Variants in LAMA3 observed in about 807,000 individuals in gnomAD.
LAMA3 encodes laminin subunit alpha 3, also known as laminin subunit alpha-3.
LAMA3 carries 281 observed loss-of-function variants against 402.0 expected under a neutral mutation model. That is an observed-to-expected ratio of 0.70 (90% CI 0.63 to 0.77). LAMA3 has a LOEUF of 0.77. Among genes scored for constraint, LAMA3 ranks in the 30% least tolerant of loss-of-function variants. The pLI is 0.00. For missense variants in LAMA3, 3,840 were observed against 4,215.5 expected, an observed-to-expected ratio of 0.91 and a Z score of 2.47; for synonymous variants, 1,431 against 1,558.4, an observed-to-expected ratio of 0.92 and a Z score of 1.93.
chr18:23,844,617 T>C (rs1490020106), intron 29 of LAMA3, among the ~76,000 whole-genome samples: 1 of 152,224 alleles, frequency 6.6e-6, no homozygotes, highest in Non-Finnish European at 1.5e-5. Flanking sequence ...TTCCTGTGAT[T>C]GTTTTTCATA....
At chr18:23,887,958 A>G (rs1432183020) in intron 41 of LAMA3, among the ~76,000 whole-genome samples, 1 of 152,252 alleles carries the variant, frequency 6.6e-6, no homozygotes, top group African/African-American at 2.4e-5. Context: ...ACCAGTAAGT[A>G]ATGCTTTGCA....
At chr18:23,853,720 C>T (rs191908091) in intron 32 of LAMA3, among the ~76,000 whole-genome samples, 21 of 152,344 alleles carry the variant, frequency 1.4e-4, no homozygotes, top group African/African-American at 3.8e-4. Flanking sequence ...TGACCTGCCT[C>T]CCCAGAATTG....
At chr18:23,703,238 G>A (rs1217291961) in intron 1 of LAMA3, among the ~76,000 whole-genome samples, 1 of 152,166 alleles carries the variant, frequency 6.6e-6, no homozygotes, top group African/African-American at 2.4e-5. Flanking sequence ...CACTCCAGTG[G>A]TTCCAATGGT....
At chr18:23,842,365 A>AT (rs565708185) in intron 27 of LAMA3, 30 bp from the exon 28 acceptor site, 46 of 1,613,164 alleles carry the variant, frequency 2.9e-5, no homozygotes, top group Non-Finnish European at 3.9e-5. Flanking sequence ...AGGGTTTTTA[A>AT]TTTTTTTTCC....
chr18:23,954,425 A>T, intron 74 of LAMA3, 78 bp from the exon 75 acceptor site: 4 of 1,147,172 alleles, frequency 3.5e-6, no homozygotes, highest in Non-Finnish European at 3.8e-6. Flanking sequence ...AAAAAAAAAT[A>T]CTATCTTTTA....
intron 32 of LAMA3, among the ~76,000 whole-genome samples, chr18:23,850,617 T>G (rs1343180488): frequency 2.0e-5 from 3 of 152,248 alleles, no homozygotes; most frequent in Non-Finnish European, 4.4e-5. Context: ...GGTCTATTAT[T>G]CTGGCCAATT....
chr18:23,827,223 ATGAC>A (rs1472538027), intron 22 of LAMA3, 87 bp from the exon 23 acceptor site: 6 of 1,309,318 alleles, frequency 4.6e-6, no homozygotes, highest in East Asian at 2.3e-5. Context: ...AGTGAACTGA[ATGAC>A]TGAGAGTCTT....
Position 23,815,280 on chromosome 18 carries a change from C to A in LAMA3, c.1941+40C>A, listed in dbSNP as rs762840483. ...GTTTTCATGTGACAACAGCAGAATG[C>A]TACAGCAACTGCTTGTGGGGTTTCT... On this transcript the variant is annotated intron_variant, in intron 16 of 74. Transcript: ENST00000313654. 2.5e-6 allele frequency: 4 copies of A among 1,570,568 alleles called. No homozygotes were observed. In the South Asian group the frequency reaches 4.5e-5, roughly 17 times the overall value.
chr18:23,709,592 G>A (rs903238872), intron 1 of LAMA3, among the ~76,000 whole-genome samples: 1 of 151,928 alleles, frequency 6.6e-6, no homozygotes, highest in Non-Finnish European at 1.5e-5. Flanking sequence ...CTTTTATTTT[G>A]TGTATGACCA....
At chr18:23,816,071 C>T (rs970849934) in intron 17 of LAMA3, among the ~76,000 whole-genome samples, 1 of 152,204 alleles carries the variant, frequency 6.6e-6, no homozygotes, top group African/African-American at 2.4e-5. Context: ...CATTGGACAA[C>T]AGCATTTGAG....
chr18:23,756,450 C>T (rs1598729119), intron 6 of LAMA3, among the ~76,000 whole-genome samples: 2 of 150,614 alleles, frequency 1.3e-5, no homozygotes, highest in East Asian at 3.9e-4. Flanking sequence ...CTTCCCCCGC[C>T]CCCACCCCCC....
chr18:23,895,164 T>C, intron 44 of LAMA3, 106 bp downstream of exon 44: 2 of 1,283,444 alleles, frequency 1.6e-6, no homozygotes, highest in East Asian at 2.5e-5. Context: ...GGCTCAGGGG[T>C]TGTCCTCCTT....
At chr18:23,784,212 C>G (rs1268274803) in intron 12 of LAMA3, 55 bp downstream of exon 12, 1 of 1,606,254 alleles carries the variant, frequency 6.2e-7, no homozygotes, top group East Asian at 2.2e-5. Flanking sequence ...TAAATTTCCT[C>G]CTGAGGAAAT....
At chr18:23,889,627 A>G (rs2080573449) in intron 41 of LAMA3, among the ~76,000 whole-genome samples, 1 of 141,468 alleles carries the variant, frequency 7.1e-6, no homozygotes, top group Non-Finnish European at 1.5e-5. Context: ...GGAAAGGAAA[A>G]AAGAAAAGAA....
chr18:23,900,626 G>A (rs1444395544), intron 47 of LAMA3, among the ~76,000 whole-genome samples: 2 of 152,160 alleles, frequency 1.3e-5, no homozygotes, highest in East Asian at 1.9e-4. Context: ...AGAAATATTA[G>A]TTTAGTGCAT....
chr18:23,925,122 AG>A (rs1482322325), intron 62 of LAMA3, among the ~76,000 whole-genome samples: 3 of 152,366 alleles, frequency 2.0e-5, no homozygotes, highest in Admixed American at 6.5e-5. Flanking sequence ...CAACGCTTCC[AG>A]AGCAGGGAGG....
intron 23 of LAMA3, among the ~76,000 whole-genome samples, chr18:23,833,131 C>T (rs1392797331): frequency 1.3e-5 from 2 of 152,134 alleles, no homozygotes; most frequent in East Asian, 3.9e-4. Context: ...CAGGGGAGGA[C>T]ACACTTTTTC....
chr18:23,723,935 G>A (rs1037902589), intron 2 of LAMA3, among the ~76,000 whole-genome samples: 4 of 151,986 alleles, frequency 2.6e-5, no homozygotes, highest in East Asian at 1.9e-4. Flanking sequence ...GGTTACATTA[G>A]TAAGTTCTTT....
At chr18:23,744,686 G>A (rs1000011371) in intron 2 of LAMA3, among the ~76,000 whole-genome samples, 62 of 151,978 alleles carry the variant, frequency 4.1e-4, no homozygotes, top group Non-Finnish European at 6.0e-4. Context: ...AAAAAAATTA[G>A]CCGGGCGTGG....
Sources: allele counts gnomAD v4.1 joint callset (sites outside exome capture counted in the v4.1 genomes callset), GRCh38; gene constraint gnomAD v4.1.1; transcripts MANE v1.5; gene names NCBI Gene and HGNC (gene_info 2026-07-23, HGNC 2026-07-21).